Variants in ZNF79 observed in about 807,000 individuals in gnomAD.
The protein encoded by ZNF79 is ZNFpT7.
In ZNF79, 13 loss-of-function variants were observed where a neutral mutation model predicts 14.9. The observed-to-expected ratio is 0.87, with a 90% CI of 0.57 to 1.38. ZNF79 has a LOEUF of 1.38. Ranked by LOEUF, ZNF79 falls within the 40% of genes most tolerant of loss-of-function variation. The pLI is 0.00. For missense variants in ZNF79, 631 were observed against 630.6 expected (o/e 1.00, Z -0.01); for synonymous variants, 223 against 235.1 (o/e 0.95, Z 0.47).
intron 4 of ZNF79, among the ~76,000 whole-genome samples, chr9:127,441,190 C>T (rs529995062): frequency 5.9e-4 from 90 of 152,162 alleles, no homozygotes; most frequent in African/African-American, 2.1e-3. Flanking sequence ...TGCAGTGGGG[C>T]CTCTGTGCTC....
chr9:127,431,797 A>G (rs1456109734), intron 2 of ZNF79, among the ~76,000 whole-genome samples: 3 of 152,214 alleles, frequency 2.0e-5, no homozygotes, highest in Non-Finnish European at 4.4e-5. Context: ...TCTTCTGCAT[A>G]TGGCTAGCCA....
At chr9:127,439,022 G>C (rs1833999737) in intron 4 of ZNF79, among the ~76,000 whole-genome samples, 1 of 152,076 alleles carries the variant, frequency 6.6e-6, no homozygotes, top group Admixed American at 6.6e-5. Context: ...TGAGGCACGA[G>C]AATCGCTTGA....
At chr9:127,437,781 T>C (rs1254995642) in intron 4 of ZNF79, among the ~76,000 whole-genome samples, 5 of 152,048 alleles carry the variant, frequency 3.3e-5, no homozygotes, top group African/African-American at 1.2e-4. Flanking sequence ...TCGATCTGTG[T>C]CTGGATTTCC....
At chr9:127,439,965 C>G (rs532368309) in intron 4 of ZNF79, among the ~76,000 whole-genome samples, 3 of 152,296 alleles carry the variant, frequency 2.0e-5, no homozygotes, top group African/African-American at 7.2e-5. Flanking sequence ...CGGGTTCATG[C>G]CATTCTCCTG....
chr9:127,438,829 G>A (rs767070272), intron 4 of ZNF79, among the ~76,000 whole-genome samples: 78 of 152,176 alleles, frequency 5.1e-4, no homozygotes, highest in Non-Finnish European at 1.0e-3. Context: ...CTGTAGCAAT[G>A]GCTGGGCGCA....
rs1049386302 is a variant in ZNF79 at position 127,428,648 on chromosome 9, T to TC, written c.17-181dup. ...GAGAGTCTGTGAACACTCTAATGCC[T>TC]CCCTACATCTGAGTGAGTTGATGGA... On this transcript the variant is annotated intron_variant, in intron 1 of 4. Coordinates refer to ENST00000342483, the MANE Select transcript of ZNF79 (RefSeq NM_007135.3). 6.2e-5 allele frequency: 76 copies of TC among 1,223,322 alleles called. No homozygotes were observed. The African/African-American group carries it at 1.1e-3, about 18-fold the overall frequency. The allele number at this position is 1,223,322 out of a possible 1,614,324, so 75.8% of individuals were successfully genotyped here.
rs1834109005 is a variant in ZNF79, at chr9:127,444,259, C to G, written c.559C>G (p.Pro187Ala). 1.2e-6 allele frequency: 2 copies of G among 1,614,036 alleles called. No homozygotes were observed. The highest frequency in any genetic ancestry group is 1.7e-6 in the Non-Finnish European group (2 of 1,179,994). ...CTTCAAGAACTCGGAAATCCTGAAA[C>G]CTCACAGAGCAAAACCATATGCATG... ...ESFKNSEILK[P>A]HRAKPYACNE... Residue 187 changes from proline to alanine, a missense_variant, in exon 5 of 5, where the codon CCT becomes GCT. Coordinates refer to ENST00000342483, the MANE Select transcript of ZNF79 (RefSeq NM_007135.3).
At chr9:127,443,582 T>G (rs925299567) in intron 4 of ZNF79, among the ~76,000 whole-genome samples, 1 of 151,780 alleles carries the variant, frequency 6.6e-6, no homozygotes, top group Non-Finnish European at 1.5e-5. Flanking sequence ...TTGAATTCAG[T>G]AGGTAGTAGG....
At chr9:127,431,438 G>A (rs577742362) in intron 2 of ZNF79, among the ~76,000 whole-genome samples, 14 of 151,962 alleles carry the variant, frequency 9.2e-5, no homozygotes, top group African/African-American at 2.7e-4. Context: ...TAGTAGAGAC[G>A]GGGTTTTTCC....
At chr9:127,428,646 C>T (rs1833803879) in intron 1 of ZNF79, 186 bp from the exon 2 acceptor site, 2 of 1,219,732 alleles carry the variant, frequency 1.6e-6, no homozygotes, top group Admixed American at 4.3e-5. Context: ...CACTCTAATG[C>T]CTCCCTACAT....
chr9:127,427,942 A>T (rs927619692), intron 1 of ZNF79, among the ~76,000 whole-genome samples: 2 of 151,444 alleles, frequency 1.3e-5, no homozygotes, highest in Non-Finnish European at 2.9e-5. Flanking sequence ...GCCTAATCCA[A>T]CCTCTCAAAG....
At position 127,444,923 on chromosome 9, in the gene ZNF79, A is replaced by G; in HGVS notation, c.1223A>G (p.Gln408Arg). The G allele has an allele frequency of 6.2e-7, 1 of 1,614,196 alleles. No individual in the cohort carries two copies. Among genetic ancestry groups the G allele is most frequent in the Non-Finnish European group, 8.5e-7 (1 of 1,180,032 alleles). The change falls in exon 5 of 5, where the codon CAA (glutamine) becomes CGA (arginine). Residue 408 changes from glutamine (Q) to arginine (R), a missense_variant. Physicochemically the swap from Gln to Arg is conservative, Grantham distance 43 (BLOSUM62 1). Coordinates refer to ENST00000342483, the MANE Select transcript of ZNF79 (RefSeq NM_007135.3). ...FSQSTNLIIH[Q>R]KTHTGEKPYK... Reference sequence around the variant, plus strand: ...CAGAGTACCAATCTCATAATCCACCAAAAGACCCACACCGGGGAGAAGCCA... The same window carrying G: ...CAGAGTACCAATCTCATAATCCACCGAAAGACCCACACCGGGGAGAAGCCA...
chr9:127,444,402 ATC>A lies in ZNF79; in HGVS notation c.707_708del (p.Leu236HisfsTer17), dbSNP rs755084279. The A allele has an allele frequency of 5.6e-6, 9 of 1,612,188 alleles. No homozygotes were observed. The highest frequency in any genetic ancestry group is 1.1e-5 in the South Asian group (1 of 90,936). On this transcript the variant is annotated frameshift_variant, in exon 5 of 5. Transcript: ENST00000342483. LOFTEE classifies it low-confidence loss of function (END_TRUNC). Reference protein sequence around the residue: ...ECGKAFSQSSSLIQHQRIHTG... With the variant: ...ECGKAFSQSSXLIQHQRIHTG... ...GTGGGAAGGCCTTCAGCCAGAGCTC[ATC>A]TCTCATTCAGCACCAGAGGATTCAC... is the stretch of plus-strand genomic sequence containing the variant.
In ZNF79 at chr9:127,435,889, G is replaced by T; in HGVS notation, c.233-19G>T. The T allele has an allele frequency of 6.2e-7, 1 of 1,611,674 alleles. No individual in the cohort carries two copies. The highest frequency in any genetic ancestry group is 8.5e-7 in the Non-Finnish European group (1 of 1,177,834). On this transcript the variant is annotated intron_variant, in intron 3 of 4. Coordinates refer to ENST00000342483, the MANE Select transcript of ZNF79 (RefSeq NM_007135.3). ...TACTTACTTACAATTTCTAAAGCCT[G>T]TTTTTTCCCGTTGAATAGGACTTCC...
rs201113820 is a variant in ZNF79, at chr9:127,424,771, C to T, written c.-17C>T. On this transcript the variant is annotated 5_prime_UTR_variant, in exon 1 of 5. Coordinates refer to ENST00000342483, the MANE Select transcript of ZNF79 (RefSeq NM_007135.3). Reference sequence around the variant, plus strand: ...CCAGAGAACTGCTGGGAGGCTGTGGCGCGAGGCGGGACTCAAATGCTGGAG... The same window carrying T: ...CCAGAGAACTGCTGGGAGGCTGTGGTGCGAGGCGGGACTCAAATGCTGGAG... 1 of 1,613,648 alleles carries T rather than the reference C, an allele frequency of 6.2e-7. No homozygotes were observed. Among genetic ancestry groups the T allele is most frequent in the African/African-American group, 1.3e-5 (1 of 74,958 alleles).
In ZNF79 at chr9:127,424,505, C is replaced by A; in HGVS notation, c.-283C>A. On this transcript the variant is annotated 5_prime_UTR_variant, in exon 1 of 5. Coordinates refer to ENST00000342483, the MANE Select transcript of ZNF79 (RefSeq NM_007135.3). ...CAGTTGCCAGTTGCCAGTCGTTTTT[C>A]GGAAAGCTGGCAGCGGCTTTTTCAC... 6 of 391,138 alleles carry A rather than the reference C, an allele frequency of 1.5e-5. No individual in the cohort carries two copies. The highest frequency in any genetic ancestry group is 2.4e-5 in the Non-Finnish European group (5 of 212,624). 24.2% of individuals were successfully genotyped at this position (391,138 alleles called of 1,614,324 possible). A position where few individuals can be genotyped will look rare whatever the true frequency, so the allele number is the denominator to read the frequency against.
At position 127,436,486 on chromosome 9, in the gene ZNF79, C is replaced by T. The variant is rs992311293; in HGVS notation, c.328+483C>T. Among the ~76,000 whole-genome samples, 9 of 152,178 alleles carry T rather than the reference C, an allele frequency of 5.9e-5. No homozygotes were observed. In the East Asian group the frequency reaches 9.6e-4, roughly 16 times the overall value. On this transcript the variant is annotated intron_variant, in intron 4 of 4. Coordinates refer to ENST00000342483, the MANE Select transcript of ZNF79 (RefSeq NM_007135.3). Reference sequence around the variant, plus strand: ...TCATTCTGCTCCTGCTTTCTCACTGCGTGGCCATGCCAGAATTTTCCAAAG... The same window carrying T: ...TCATTCTGCTCCTGCTTTCTCACTGTGTGGCCATGCCAGAATTTTCCAAAG...
intron 4 of ZNF79, among the ~76,000 whole-genome samples, chr9:127,436,369 T>TG (rs1272285004): frequency 6.6e-6 from 1 of 152,198 alleles, no homozygotes; most frequent in Non-Finnish European, 1.5e-5. Context: ...ATTCCCTGCT[T>TG]GGGGTCTCCC....
At chr9:127,443,814 T>C (rs967233378) in intron 4 of ZNF79, among the ~76,000 whole-genome samples, 5 of 143,740 alleles carry the variant, frequency 3.5e-5, no homozygotes, top group African/African-American at 1.3e-4. Flanking sequence ...GGCAGGAGAA[T>C]GGCGTGAACC....
Sources: gnomAD v4.1 joint callset for allele counts (sites outside exome capture counted in the v4.1 genomes callset) on GRCh38, gnomAD v4.1.1 for gene constraint, MANE v1.5 for transcripts, NCBI Gene and HGNC (gene_info 2026-07-23, HGNC 2026-07-21) for gene names.